BICRAL: variants seen among roughly 807,000 people sequenced by gnomAD.
The protein encoded by BICRAL is BICRA like chromatin remodeling complex associated protein, also known as BRD4-interacting chromatin-remodeling complex-associated protein-like.
Under a neutral mutation model 91.8 loss-of-function variants are expected in BICRAL, and 8 were observed. That is an observed-to-expected ratio of 0.09 (90% CI 0.05 to 0.16). The LOEUF is 0.16. Ranked by LOEUF, BICRAL falls within the 10% of genes least tolerant of loss-of-function variation. BICRAL has a pLI of 1.00. For synonymous variants in BICRAL, 445 were observed against 491.1 expected, an observed-to-expected ratio of 0.91 and a Z score of 1.24; for missense variants, 1,038 against 1,310.9, an observed-to-expected ratio of 0.79 and a Z score of 3.21.
At position 42,762,678 on chromosome 6, in the gene BICRAL, G is replaced by A. The variant is rs551761425; in HGVS notation, c.-261+15655G>A. ...CCCAATAATTATCTAGCTGGGTGTG[G>A]TAGACACACCTATAATCCCAGCACT... On this transcript the variant is annotated intron_variant, in intron 1 of 14. Coordinates refer to the BICRAL transcript ENST00000614467. Among the ~76,000 whole-genome samples, 23 of 152,262 alleles carry A rather than the reference G, an allele frequency of 1.5e-4. No individual in the cohort carries two copies. In the South Asian group the frequency reaches 2.5e-3, roughly 16 times the overall value.
intron 3 of BICRAL, 34 bp downstream of exon 3, chr6:42,822,097 A>C: frequency 6.9e-7 from 1 of 1,451,450 alleles, no homozygotes; most frequent in South Asian, 1.1e-5. Context: ...GGGTAAATCA[A>C]ATGTGTGAGG....
chr6:42,803,618 A>G (rs1763633343), intron 1 of BICRAL, among the ~76,000 whole-genome samples: 1 of 152,254 alleles, frequency 6.6e-6, no homozygotes, highest in Non-Finnish European at 1.5e-5. Context: ...GTTATTAGGC[A>G]TGTATGTATC....
At chr6:42,814,677 C>T (rs1419483975) in intron 2 of BICRAL, among the ~76,000 whole-genome samples, 3 of 151,178 alleles carry the variant, frequency 2.0e-5, no homozygotes, top group Non-Finnish European at 2.9e-5. Flanking sequence ...AGGCATGCGC[C>T]ACCATGGTCG....
chr6:42,837,333 T>C (rs970830892), intron 6 of BICRAL, among the ~76,000 whole-genome samples: 3 of 152,202 alleles, frequency 2.0e-5, no homozygotes, highest in African/African-American at 7.2e-5. Context: ...TTGGCGTTTG[T>C]ATATTTGTAG....
chr6:42,829,948 C>T lies in BICRAL; in HGVS notation c.1615C>T (p.Arg539Trp). 7 of 1,614,202 alleles carry T rather than the reference C, an allele frequency of 4.3e-6. No homozygotes were observed. The highest frequency in any genetic ancestry group is 1.3e-5 in the African/African-American group (1 of 75,056). The change falls in exon 6 of 13, where the codon CGG becomes TGG. Residue 539 changes from arginine (R) to tryptophan (W), a missense_variant. By Grantham distance (101) the Arg-to-Trp change is moderately radical. Transcript: ENST00000314073. ...GGTGACAAGCATGTCAGGACCTAGT[C>T]GGTTCCCTGCTGTCAGCTCAGCCAG... ...PSVTSMSGPS[R>W]FPAVSSASTA...
At position 42,818,363 on chromosome 6, in the gene BICRAL, T is replaced by A. The variant is rs116241454; in HGVS notation, c.-5-3655T>A. On this transcript the variant is annotated intron_variant, in intron 2 of 12. Coordinates refer to ENST00000314073, the MANE Select transcript of BICRAL (RefSeq NM_001393499.1). Reference sequence around the variant, plus strand: ...TTCTGGATGGATCCTGATAAAAAAATTTTCCTTATTTATAAGAGCTCTTTA... The same window carrying A: ...TTCTGGATGGATCCTGATAAAAAAAATTTCCTTATTTATAAGAGCTCTTTA... Among the ~76,000 whole-genome samples the A allele has an allele frequency of 7.1e-3, 1,081 of 152,216 alleles. 5 individuals are homozygous for A. The highest frequency in any genetic ancestry group is 0.023 in the African/African-American group (955 of 41,530).
chr6:42,770,124 A>G (rs147056896), intron 1 of BICRAL, among the ~76,000 whole-genome samples: 240 of 152,242 alleles, frequency 1.6e-3, no homozygotes, highest in African/African-American at 5.6e-3. Flanking sequence ...AGGTTCCTCT[A>G]CCAGGAGCTC....
chr6:42,861,041 A>G (rs1765540983), intron 11 of BICRAL, among the ~76,000 whole-genome samples: 1 of 152,152 alleles, frequency 6.6e-6, no homozygotes, highest in Admixed American at 6.6e-5. Context: ...CGGAAGAATC[A>G]CTTGAAGCTG....
At chr6:42,814,519 A>ATATTTTTTT (rs1237976324) in intron 2 of BICRAL, among the ~76,000 whole-genome samples, 7 of 80,232 alleles carry the variant, frequency 8.7e-5, no homozygotes, top group Non-Finnish European at 1.5e-4. Context: ...ATATATATAT[A>ATATTTTTTT]TTTTTTTTTT....
chr6:42,755,826 C>A (rs1258623396), intron 1 of BICRAL, among the ~76,000 whole-genome samples: 1 of 152,120 alleles, frequency 6.6e-6, no homozygotes, highest in South Asian at 2.1e-4. Context: ...CACGCCGCCA[C>A]GCCCGGCTAA....
chr6:42,766,580 C>T (rs1355646357), intron 1 of BICRAL, among the ~76,000 whole-genome samples: 8 of 151,996 alleles, frequency 5.3e-5, no homozygotes, highest in African/African-American at 1.2e-4. Flanking sequence ...CAGTGGGTCA[C>T]GCCTGTAATA....
chr6:42,832,388 T>TAAATTG (rs1491509384), intron 6 of BICRAL, among the ~76,000 whole-genome samples: 22 of 145,870 alleles, frequency 1.5e-4, no homozygotes, highest in African/African-American at 5.5e-4. Context: ...TGTATGTATG[T>TAAATTG]ATATATATAT....
chr6:42,758,276 C>T (rs954585970), intron 1 of BICRAL, among the ~76,000 whole-genome samples: 11 of 152,124 alleles, frequency 7.2e-5, no homozygotes, highest in Non-Finnish European at 1.3e-4. Flanking sequence ...AAATGCAAGC[C>T]GATTGTGTCA....
At chr6:42,822,656 A>C (rs951582768) in intron 3 of BICRAL, 140 bp from the exon 4 acceptor site, 215 of 533,030 alleles carry the variant, frequency 4.0e-4, no homozygotes, top group Non-Finnish European at 6.3e-4. Flanking sequence ...AAAAAAAAAA[A>C]CCTACTAATA....
At chr6:42,843,606 G>GTGAC (rs986650145) in intron 6 of BICRAL, among the ~76,000 whole-genome samples, 36 of 152,260 alleles carry the variant, frequency 2.4e-4, no homozygotes, top group African/African-American at 8.4e-4. Context: ...GTTTCTGACA[G>GTGAC]TGACACACAG....
chr6:42,754,233 A>G (rs1762424511), intron 1 of BICRAL, among the ~76,000 whole-genome samples: 1 of 151,106 alleles, frequency 6.6e-6, no homozygotes, highest in Non-Finnish European at 1.5e-5. Context: ...GTGTAGTGGC[A>G]CAATCTGGGC....
chr6:42,866,850 C>T lies in BICRAL; in HGVS notation c.*1404C>T, dbSNP rs1274167096. The T allele has an allele frequency of 2.2e-6, 1 of 456,186 alleles. No homozygotes were observed. The highest frequency in any genetic ancestry group is 4.4e-6 in the Non-Finnish European group (1 of 226,816). The allele number at this position is 456,186 out of a possible 1,614,324, so 28.3% of individuals were successfully genotyped here. ...CTGTTGTTACCTTTATTCTTAATGT[C>T]ATTGTAACCATCACTTATCTCCTCT... On this transcript the variant is annotated 3_prime_UTR_variant, in exon 13 of 13. Transcript: ENST00000314073.
At chr6:42,825,389 C>A (rs1764265727) in intron 5 of BICRAL, among the ~76,000 whole-genome samples, 1 of 151,416 alleles carries the variant, frequency 6.6e-6, no homozygotes, top group African/African-American at 2.4e-5. Flanking sequence ...ACGGTGAAAC[C>A]CTGTCTCTAC....
chr6:42,831,080 T>G (rs1342846584), intron 6 of BICRAL, among the ~76,000 whole-genome samples: 1 of 152,140 alleles, frequency 6.6e-6, no homozygotes, highest in Non-Finnish European at 1.5e-5. Flanking sequence ...TCCCATGGAG[T>G]TATCAGGAGG....
Sources: gnomAD v4.1 joint callset for allele counts (sites outside exome capture counted in the v4.1 genomes callset) on GRCh38, gnomAD v4.1.1 for gene constraint, MANE v1.5 for transcripts, NCBI Gene and HGNC (gene_info 2026-07-23, HGNC 2026-07-21) for gene names.